Variants in PRKN observed in about 807,000 individuals in gnomAD.
PRKN encodes parkin RBR E3 ubiquitin protein ligase, also known as E3 ubiquitin-protein ligase parkin.
In PRKN, 56 loss-of-function variants were observed where a neutral mutation model predicts 59.5. The observed-to-expected ratio is 0.94, with a 90% CI of 0.76 to 1.18. The LOEUF is 1.18. Ranked by LOEUF, PRKN falls within the 50% of genes most tolerant of loss-of-function variation. The probability of loss-of-function intolerance (pLI) is 0.00; values close to 1 mark genes in which losing one functional copy is unlikely to be tolerated. For synonymous variants in PRKN, 250 were observed against 222.1 expected (o/e 1.13, Z -1.12); for missense variants, 657 against 596.4 (o/e 1.10, Z -1.06).
intron 3 of PRKN, among the ~76,000 whole-genome samples, chr6:162,257,344 T>C (rs2128098459): frequency 6.6e-6 from 1 of 152,228 alleles, no homozygotes; most frequent in Admixed American, 6.5e-5. Flanking sequence ...AAAAGTAGTA[T>C]ACCTTGTGAT....
At chr6:161,595,802 C>T (rs1308901760) in intron 7 of PRKN, among the ~76,000 whole-genome samples, 1 of 152,108 alleles carries the variant, frequency 6.6e-6, no homozygotes, top group Non-Finnish European at 1.5e-5. Flanking sequence ...AATTTGATTG[C>T]TTATCAGCCA....
chr6:161,625,107 T>G (rs1277550936), intron 7 of PRKN, among the ~76,000 whole-genome samples: 1 of 152,226 alleles, frequency 6.6e-6, no homozygotes, highest in Non-Finnish European at 1.5e-5. Context: ...TAAAGACACA[T>G]GCACATGTAT....
intron 6 of PRKN, among the ~76,000 whole-genome samples, chr6:161,831,774 A>T: frequency 6.7e-6 from 1 of 149,058 alleles, no homozygotes; most frequent in East Asian, 1.9e-4. Flanking sequence ...TCCAGAAAAA[A>T]TAAGAGGTTC....
intron 5 of PRKN, among the ~76,000 whole-genome samples, chr6:161,977,040 T>C (rs1781059637): frequency 6.6e-6 from 1 of 152,218 alleles, no homozygotes; most frequent in Admixed American, 6.5e-5. Context: ...GCCAACCCTA[T>C]ATTAAATATG....
rs766362439 is a variant in PRKN at position 161,575,471 on chromosome 6, G to C, written c.872-6055C>G. 2.0e-5 allele frequency among the ~76,000 whole-genome samples: 3 copies of C among 152,162 alleles called. No homozygotes were observed. Among genetic ancestry groups the C allele is most frequent in the Non-Finnish European group, 4.4e-5 (3 of 68,026 alleles). ...CCATAATGTTTTCAGAAAGCTTTCG[G>C]TGAATTTCCTCAACAATCATGCTGT... On this transcript the variant is annotated intron_variant, in intron 7 of 11. Coordinates refer to ENST00000366898, the MANE Select transcript of PRKN (RefSeq NM_004562.3). This position sits in a 1 kb window ranked among gnomAD's most constrained non-coding sequence, Gnocchi z 4.6.
At chr6:162,418,613 A>AGTGTGTGTGT (rs140621171) in intron 2 of PRKN, among the ~76,000 whole-genome samples, 2,141 of 126,374 alleles carry the variant, frequency 0.017, 49 homozygotes, top group African/African-American at 0.028. Context: ...AGGGACAGAC[A>AGTGTGTGTGT]GTGTGTGTGT....
Position 161,575,804 on chromosome 6 carries a change from C to T in PRKN, c.872-6388G>A, listed in dbSNP as rs933490507. 2.6e-5 allele frequency among the ~76,000 whole-genome samples: 4 copies of T among 152,202 alleles called. No homozygotes were observed. Among genetic ancestry groups the T allele is most frequent in the African/African-American group, 9.7e-5 (4 of 41,434 alleles). On this transcript the variant is annotated intron_variant, in intron 7 of 11. Transcript: ENST00000366898. The surrounding 1 kb of genome is among the most constrained non-coding windows in gnomAD (Gnocchi z 4.6). ...TCTCTCTCGGCTATAGCTTAGAATC[C>T]CTAATGTGGGCTTGACAATTACAGT...
chr6:161,619,087 C>A (rs1335696887), intron 7 of PRKN, among the ~76,000 whole-genome samples: 1 of 152,048 alleles, frequency 6.6e-6, no homozygotes, highest in East Asian at 1.9e-4. Flanking sequence ...TCTGAATCCG[C>A]CGGGTCTGAA....
intron 9 of PRKN, among the ~76,000 whole-genome samples, chr6:161,418,421 T>C (rs578005240): frequency 1.3e-5 from 2 of 152,344 alleles, no homozygotes; most frequent in Admixed American, 6.5e-5. Context: ...TCTATATTCA[T>C]GTATCGGCCT....
At chr6:162,601,743 G>C (rs1025433241) in intron 1 of PRKN, among the ~76,000 whole-genome samples, 1 of 152,076 alleles carries the variant, frequency 6.6e-6, no homozygotes, top group Non-Finnish European at 1.5e-5. Flanking sequence ...TATATGAGGA[G>C]TATATTTAAA....
chr6:162,623,211 A>C (rs1280587125), intron 1 of PRKN, among the ~76,000 whole-genome samples: 1 of 152,220 alleles, frequency 6.6e-6, no homozygotes, highest in African/African-American at 2.4e-5. Flanking sequence ...GAGAGAATAC[A>C]TTTTGAGAAT....
chr6:161,995,279 A>G (rs1306620375), intron 5 of PRKN, among the ~76,000 whole-genome samples: 1 of 152,200 alleles, frequency 6.6e-6, no homozygotes, highest in Non-Finnish European at 1.5e-5. Flanking sequence ...AAATCAAGGC[A>G]GAATGACTTA....
chr6:162,331,017 C>A (rs529246988), intron 2 of PRKN, among the ~76,000 whole-genome samples: 2 of 152,076 alleles, frequency 1.3e-5, no homozygotes, highest in African/African-American at 4.8e-5. Flanking sequence ...GGTTTTCCAT[C>A]ACTCTATTAC....
At chr6:162,255,611 A>G (rs1464186987) in intron 3 of PRKN, among the ~76,000 whole-genome samples, 1 of 152,176 alleles carries the variant, frequency 6.6e-6, no homozygotes, top group Admixed American at 6.5e-5. Context: ...GGACTGCAAG[A>G]AAGTAAATTC....
chr6:162,462,050 T>C (rs1336665244), intron 1 of PRKN, among the ~76,000 whole-genome samples: 1 of 152,102 alleles, frequency 6.6e-6, no homozygotes, highest in East Asian at 1.9e-4. Context: ...TATTATAGGA[T>C]GGAGGTATTT....
chr6:161,882,666 C>T (rs1425655221), intron 6 of PRKN, among the ~76,000 whole-genome samples: 1 of 152,160 alleles, frequency 6.6e-6, no homozygotes, highest in Admixed American at 6.5e-5. Flanking sequence ...ATTTCCATAT[C>T]AAAGCAAAAT....
At chr6:162,448,677 G>A (rs1292444358) in intron 1 of PRKN, among the ~76,000 whole-genome samples, 3 of 152,076 alleles carry the variant, frequency 2.0e-5, no homozygotes, top group African/African-American at 7.2e-5. Flanking sequence ...GAGCATCCCA[G>A]GAGTCTGAAT....
At chr6:162,697,626 G>A (rs1025841720) in intron 1 of PRKN, among the ~76,000 whole-genome samples, 2 of 152,096 alleles carry the variant, frequency 1.3e-5, no homozygotes, top group African/African-American at 4.8e-5. Context: ...ATGCTATGGC[G>A]TCAAAAGTTG....
intron 6 of PRKN, among the ~76,000 whole-genome samples, chr6:161,894,571 T>A (rs1429225522): frequency 6.6e-6 from 1 of 152,180 alleles, no homozygotes; most frequent in African/African-American, 2.4e-5. Context: ...TACTTCCTGT[T>A]TTCAAATCGT....
Sources: gnomAD v4.1 joint callset for allele counts (sites outside exome capture counted in the v4.1 genomes callset) on GRCh38, gnomAD v4.1.1 for gene constraint, Gnocchi (gnomAD v3.1) non-coding constraint, MANE v1.5 for transcripts, NCBI Gene and HGNC (gene_info 2026-07-23, HGNC 2026-07-21) for gene names.